MAP3K4: variants seen among roughly 807,000 people sequenced by gnomAD.
MAP3K4 encodes the protein mitogen-activated protein kinase kinase kinase 4.
MAP3K4 carries 67 observed loss-of-function variants against 185.6 expected under a neutral mutation model. The observed-to-expected ratio is 0.36, with a 90% CI of 0.30 to 0.44. MAP3K4 has a LOEUF of 0.44. Among genes scored for constraint, MAP3K4 ranks in the 20% least tolerant of loss-of-function variants. The pLI is 1.00. For synonymous variants in MAP3K4, 702 were observed against 710.4 expected (o/e 0.99, Z 0.19); for missense variants, 1,551 against 1,995.1 (o/e 0.78, Z 4.24).
chr6:161,111,281 C>T (rs1778338231), intron 23 of MAP3K4, among the ~76,000 whole-genome samples: 1 of 152,228 alleles, frequency 6.6e-6, no homozygotes, highest in Admixed American at 6.5e-5. Context: ...AAAGGCCAAG[C>T]TGTCCTGAGA....
Position 161,098,541 on chromosome 6 carries a change from G to T in MAP3K4, c.3674+114G>T. 12 of 1,305,980 alleles carry T rather than the reference G, an allele frequency of 9.2e-6. No individual in the cohort carries two copies. The highest frequency in any genetic ancestry group is 1.2e-5 in the Non-Finnish European group (12 of 961,622). 80.9% of individuals were successfully genotyped at this position (1,305,980 alleles called of 1,614,324 possible). ...TGGTTGGGCTTCTTTGCTGTGGCGT[G>T]TGAGTGATGCTCTAGGGCCTTCCGC... is the stretch of plus-strand genomic sequence containing the variant. On this transcript the variant is annotated intron_variant, in intron 17 of 26. Coordinates refer to ENST00000392142, the MANE Select transcript of MAP3K4 (RefSeq NM_005922.4). This position sits in a 1 kb window ranked among gnomAD's most constrained non-coding sequence, Gnocchi z 4.4.
intron 1 of MAP3K4, among the ~76,000 whole-genome samples, chr6:160,999,759 G>C (rs1188269225): frequency 6.6e-6 from 1 of 152,120 alleles, no homozygotes; most frequent in Non-Finnish European, 1.5e-5. Context: ...ACATAGCCCA[G>C]CTTAAGCCCA....
chr6:161,002,854 G>A (rs933157081), intron 1 of MAP3K4, among the ~76,000 whole-genome samples: 1 of 152,104 alleles, frequency 6.6e-6, no homozygotes, highest in Admixed American at 6.5e-5. Flanking sequence ...GCCTCCCAAA[G>A]TGCTGGGATT....
chr6:161,083,413 A>G (rs1785549689), intron 6 of MAP3K4, among the ~76,000 whole-genome samples: 2 of 152,164 alleles, frequency 1.3e-5, no homozygotes, highest in African/African-American at 2.4e-5. Flanking sequence ...AGTACATTCT[A>G]GTATTTTTGT....
chr6:161,036,609 T>G (rs954729159), intron 2 of MAP3K4, among the ~76,000 whole-genome samples: 3 of 152,224 alleles, frequency 2.0e-5, no homozygotes, highest in Admixed American at 1.3e-4. Context: ...TACTTTTAAT[T>G]TAAATGGCTG....
Position 161,071,300 on chromosome 6 carries a change from T to G in MAP3K4, c.1950+450T>G, listed in dbSNP as rs916513621. 2.0e-5 allele frequency among the ~76,000 whole-genome samples: 3 copies of G among 152,236 alleles called. No individual in the cohort carries two copies. Among genetic ancestry groups the G allele is most frequent in the Non-Finnish European group, 4.4e-5 (3 of 68,036 alleles). On this transcript the variant is annotated intron_variant, in intron 4 of 26. Coordinates refer to ENST00000392142, the MANE Select transcript of MAP3K4 (RefSeq NM_005922.4). This position sits in a 1 kb window ranked among gnomAD's most constrained non-coding sequence, Gnocchi z 4.6. ...ACAGCTTATGATTTCTTCGTTGTTGTTCATTCTGGGTGGGATCTTACGGAT... is the reference window on the plus strand; with the variant it reads ...ACAGCTTATGATTTCTTCGTTGTTGGTCATTCTGGGTGGGATCTTACGGAT...
intron 1 of MAP3K4, among the ~76,000 whole-genome samples, chr6:161,009,789 T>C (rs1388829466): frequency 1.3e-5 from 2 of 152,172 alleles, no homozygotes; most frequent in South Asian, 2.1e-4. Flanking sequence ...AAGTCTTTGC[T>C]AGTTTGATAA....
Position 161,114,278 on chromosome 6 carries a change from A to G in MAP3K4, c.4627-845A>G, listed in dbSNP as rs1778497055. ...TATTAATGAGCAGTTATACAAATGT[A>G]AAAAGACACGCATGAACTGCACATG... On this transcript the variant is annotated intron_variant, in intron 25 of 26. Coordinates refer to ENST00000392142, the MANE Select transcript of MAP3K4 (RefSeq NM_005922.4). The surrounding 1 kb of genome is among the most constrained non-coding windows in gnomAD (Gnocchi z 4.3). 6.6e-6 allele frequency among the ~76,000 whole-genome samples: 1 copy of G among 152,238 alleles called. No individual in the cohort carries two copies. Among genetic ancestry groups the G allele is most frequent in the South Asian group, 2.1e-4 (1 of 4,834 alleles).
At chr6:161,025,611 C>G (rs1423859956) in intron 1 of MAP3K4, among the ~76,000 whole-genome samples, 1 of 152,096 alleles carries the variant, frequency 6.6e-6, no homozygotes, top group Non-Finnish European at 1.5e-5. Flanking sequence ...CTCATCTGTC[C>G]CCTACAGAGA....
intron 2 of MAP3K4, among the ~76,000 whole-genome samples, chr6:161,038,886 G>A (rs1424199639): frequency 6.6e-6 from 1 of 152,216 alleles, no homozygotes; most frequent in Non-Finnish European, 1.5e-5. Context: ...GGCTGAGAGA[G>A]CAGGAACAGC....
At chr6:161,028,212 C>T (rs1562490703) in intron 1 of MAP3K4, among the ~76,000 whole-genome samples, 1 of 152,158 alleles carries the variant, frequency 6.6e-6, no homozygotes, top group African/African-American at 2.4e-5. Context: ...TTTTTGTCTG[C>T]ATGTTTCATT....
intron 1 of MAP3K4, among the ~76,000 whole-genome samples, chr6:161,013,881 G>A (rs981355958): frequency 6.6e-6 from 1 of 152,210 alleles, no homozygotes; most frequent in Non-Finnish European, 1.5e-5. Flanking sequence ...GTGTTGTCAT[G>A]TCAGTGGTAA....
chr6:161,058,451 T>C (rs1390370782), intron 3 of MAP3K4, among the ~76,000 whole-genome samples: 3 of 152,182 alleles, frequency 2.0e-5, no homozygotes, highest in Non-Finnish European at 4.4e-5. Flanking sequence ...AGGATCCCAG[T>C]ATAGAATCAC....
Position 161,063,906 on chromosome 6 carries a change from T to TC in MAP3K4, c.1708-6702_1708-6701insC, listed in dbSNP as rs1352727871. On this transcript the variant is annotated intron_variant, in intron 3 of 26. Coordinates refer to ENST00000392142, the MANE Select transcript of MAP3K4 (RefSeq NM_005922.4). This position sits in a 1 kb window ranked among gnomAD's most constrained non-coding sequence, Gnocchi z 5.4. Reference sequence around the variant, plus strand: ...CTCTGCTTCCCTCCGCTAATGCTGATACCACATGGCTCTTGGAACTGTTCA... The same window carrying TC: ...CTCTGCTTCCCTCCGCTAATGCTGATCACCACATGGCTCTTGGAACTGTTCA... Among the ~76,000 whole-genome samples, 3 of 152,222 alleles carry TC rather than the reference T, an allele frequency of 2.0e-5. No individual in the cohort carries two copies. In the East Asian group the frequency reaches 5.8e-4, roughly 29 times the overall value.
Position 161,106,010 on chromosome 6 carries a change from A to AT in MAP3K4, c.3857-497dup, listed in dbSNP as rs1778053747. On this transcript the variant is annotated intron_variant, in intron 19 of 26. Coordinates refer to ENST00000392142, the MANE Select transcript of MAP3K4 (RefSeq NM_005922.4). This position sits in a 1 kb window ranked among gnomAD's most constrained non-coding sequence, Gnocchi z 4.9. ...ACCACCACACCTGGCTAACTTTTGTATTTTTTTGTAGAGATGGGGTTTTGC... is the reference window on the plus strand; with the variant it reads ...ACCACCACACCTGGCTAACTTTTGTATTTTTTTTGTAGAGATGGGGTTTTGC... 4.6e-5 allele frequency among the ~76,000 whole-genome samples: 7 copies of AT among 151,754 alleles called. No individual in the cohort carries two copies. Among genetic ancestry groups the AT allele is most frequent in the East Asian group, 3.9e-4 (2 of 5,146 alleles).
intron 23 of MAP3K4, among the ~76,000 whole-genome samples, chr6:161,111,040 C>T (rs1778323268): frequency 6.6e-6 from 1 of 152,192 alleles, no homozygotes; most frequent in African/African-American, 2.4e-5. Context: ...TAAGAAGGTA[C>T]AGATGTACAG....
At chr6:161,006,949 A>G (rs1263362820) in intron 1 of MAP3K4, among the ~76,000 whole-genome samples, 1 of 152,244 alleles carries the variant, frequency 6.6e-6, no homozygotes, top group Admixed American at 6.5e-5. Context: ...TCCTAACAGA[A>G]AAAATATCCC....
chr6:161,032,092 G>T (rs1782957417), intron 1 of MAP3K4, among the ~76,000 whole-genome samples: 1 of 152,142 alleles, frequency 6.6e-6, no homozygotes, highest in South Asian at 2.1e-4. Context: ...GCCCTATGCT[G>T]GACAGTCCTG....
chr6:161,109,836 A>G lies in MAP3K4; in HGVS notation c.4318A>G (p.Ile1440Val), dbSNP rs1259708325. ...AAGGCTGGGACTTCAGGAACATGTG[A>G]TTAGGCTGTATTCAAAGCAGATCAC... ...VSRLGLQEHV[I>V]RLYSKQITIA... Residue 1440 changes from isoleucine (I) to valine (V), a missense_variant, in exon 23 of 27, where the codon ATT becomes GTT. This residue lies in a region of MAP3K4 where 159 missense variants were observed against 300.5 expected (regional missense o/e 0.53). Transcript: ENST00000392142. The surrounding 1 kb of genome is among the most constrained non-coding windows in gnomAD (Gnocchi z 5.7). 1 of 1,613,948 alleles carries G rather than the reference A, an allele frequency of 6.2e-7. No homozygotes were observed. Among genetic ancestry groups the G allele is most frequent in the Non-Finnish European group, 8.5e-7 (1 of 1,180,008 alleles).
Sources: gnomAD v4.1 joint callset for allele counts (sites outside exome capture counted in the v4.1 genomes callset) on GRCh38, gnomAD v4.1.1 for gene constraint, gnomAD v4.1.1 regional missense constraint, Gnocchi (gnomAD v3.1) non-coding constraint, MANE v1.5 for transcripts, NCBI Gene and HGNC (gene_info 2026-07-23, HGNC 2026-07-21) for gene names.